The following OCA2 variants were observed in gnomAD, a reference collection of about 807,000 sequenced individuals.
The protein encoded by OCA2 is P protein.
OCA2 carries 77 observed loss-of-function variants against 100.2 expected under a neutral mutation model. The ratio of observed to expected loss-of-function variants is 0.77; its 90% CI spans 0.64 to 0.93. The LOEUF is 0.93. OCA2 is among the 40% of genes least tolerant of loss of function. The probability of loss-of-function intolerance (pLI) is 0.00; values close to 1 mark genes in which losing one functional copy is unlikely to be tolerated. For missense variants in OCA2, 1,062 were observed against 1,089.1 expected (o/e 0.98, Z 0.35); for synonymous variants, 432 against 439.2 (o/e 0.98, Z 0.21).
At chr15:27,998,870 TA>T (rs1280882788) in intron 9 of OCA2, among the ~76,000 whole-genome samples, 1 of 142,142 alleles carries the variant, frequency 7.0e-6, no homozygotes, top group African/African-American at 2.7e-5. Flanking sequence ...TATGCAGCCA[TA>T]AAAAATGATG....
At chr15:27,864,074 T>A (rs1308123517) in intron 21 of OCA2, among the ~76,000 whole-genome samples, 1 of 152,136 alleles carries the variant, frequency 6.6e-6, no homozygotes, top group Non-Finnish European at 1.5e-5. Flanking sequence ...GCAGTGCCCC[T>A]CTGAGGCTGC....
intron 22 of OCA2, among the ~76,000 whole-genome samples, chr15:27,850,758 T>G (rs891175387): frequency 3.9e-5 from 6 of 152,190 alleles, no homozygotes; most frequent in Non-Finnish European, 7.3e-5. Flanking sequence ...GTATCTGATG[T>G]GTTGATCTAA....
At chr15:27,881,024 G>A (rs2036991720) in intron 19 of OCA2, among the ~76,000 whole-genome samples, 1 of 152,088 alleles carries the variant, frequency 6.6e-6, no homozygotes. Flanking sequence ...TTATTTTGAG[G>A]TACAGTTCCA....
intron 13 of OCA2, 139 bp downstream of exon 13, chr15:27,984,925 G>T: frequency 1.0e-6 from 1 of 960,376 alleles, no homozygotes; most frequent in South Asian, 1.4e-5. Context: ...GAGCTGGACT[G>T]GAATGCAGTG....
intron 23 of OCA2, among the ~76,000 whole-genome samples, chr15:27,761,818 G>A (rs958631872): frequency 6.6e-6 from 1 of 152,112 alleles, no homozygotes; most frequent in Non-Finnish European, 1.5e-5. Flanking sequence ...GACCCATAAA[G>A]ACATGCCCAA....
intron 23 of OCA2, among the ~76,000 whole-genome samples, chr15:27,832,910 T>C (rs1219365018): frequency 6.7e-6 from 1 of 150,044 alleles, no homozygotes; most frequent in Non-Finnish European, 1.5e-5. Flanking sequence ...TTTCCCGGGT[T>C]CAAGTGATTC....
At chr15:28,096,378 G>A (rs988808690) in intron 1 of OCA2, among the ~76,000 whole-genome samples, 1 of 152,220 alleles carries the variant, frequency 6.6e-6, no homozygotes, top group Non-Finnish European at 1.5e-5. Context: ...AGCCGGAGGC[G>A]TAGCCGTGTC....
chr15:27,804,506 G>A (rs1463435742), intron 23 of OCA2, among the ~76,000 whole-genome samples: 1 of 152,136 alleles, frequency 6.6e-6, no homozygotes, highest in African/African-American at 2.4e-5. Context: ...TCATTTCTTA[G>A]GAATATAAAA....
chr15:27,757,827 G>A (rs954272002), intron 23 of OCA2, among the ~76,000 whole-genome samples: 17 of 152,180 alleles, frequency 1.1e-4, no homozygotes, highest in African/African-American at 4.1e-4. Context: ...GCCCCAAAGT[G>A]CATGTTGACT....
intron 11 of OCA2, 61 bp from the exon 12 acceptor site, chr15:27,986,704 T>C: frequency 9.3e-7 from 1 of 1,080,340 alleles, no homozygotes; most frequent in Non-Finnish European, 1.4e-6. Flanking sequence ...TAAAACGACA[T>C]CAGCATGATC....
intron 23 of OCA2, among the ~76,000 whole-genome samples, chr15:27,791,612 G>T (rs1199096639): frequency 1.3e-5 from 2 of 152,134 alleles, no homozygotes; most frequent in African/African-American, 4.8e-5. Context: ...AACATTCACA[G>T]GGCTCTACAG....
intron 14 of OCA2, 96 bp from the exon 15 acceptor site, chr15:27,966,918 C>T (rs1347273425): frequency 1.5e-6 from 2 of 1,353,532 alleles, no homozygotes; most frequent in Non-Finnish European, 2.1e-6. Flanking sequence ...TCACGAGGTC[C>T]GGAGATGGAG....
chr15:27,793,214 A>G lies in OCA2; in HGVS notation c.2433-37742T>C, dbSNP rs80214972. On this transcript the variant is annotated intron_variant, in intron 23 of 23. Transcript: ENST00000354638. ...AGGATGCTTTTTCCAATTGGACCAG[A>G]AAAGTATCACGTATGTAGCTCAGCT... Among the ~76,000 whole-genome samples the G allele has an allele frequency of 2.3e-3, 347 of 152,310 alleles. 1 individual carries two copies. The highest frequency in any genetic ancestry group is 8.2e-3 in the African/African-American group (339 of 41,570).
intron 18 of OCA2, among the ~76,000 whole-genome samples, chr15:27,937,180 T>C (rs2039486180): frequency 6.6e-6 from 1 of 152,216 alleles, no homozygotes; most frequent in Non-Finnish European, 1.5e-5. Context: ...TCATATAGCA[T>C]ATACTCTTTT....
intron 23 of OCA2, among the ~76,000 whole-genome samples, chr15:27,788,660 A>G (rs910357324): frequency 6.6e-6 from 1 of 152,084 alleles, no homozygotes; most frequent in African/African-American, 2.4e-5. Flanking sequence ...TTAAAAATCT[A>G]GTTTGTAAAT....
intron 3 of OCA2, among the ~76,000 whole-genome samples, chr15:28,031,583 T>C (rs2042908165): frequency 6.6e-6 from 1 of 152,250 alleles, no homozygotes; most frequent in Non-Finnish European, 1.5e-5. Context: ...TTGAGTTTTC[T>C]TGTGAAACAC....
intron 2 of OCA2, among the ~76,000 whole-genome samples, chr15:28,067,462 C>T (rs1019007399): frequency 6.6e-6 from 1 of 152,124 alleles, no homozygotes; most frequent in Non-Finnish European, 1.5e-5. Flanking sequence ...TTTCTAACTT[C>T]TTGATGAAGG....
chr15:27,870,590 C>A (rs1225620067), intron 21 of OCA2, among the ~76,000 whole-genome samples: 1 of 151,972 alleles, frequency 6.6e-6, no homozygotes, highest in African/African-American at 2.4e-5. Context: ...GACACACAGG[C>A]TGGTTAGAAT....
intron 1 of OCA2, among the ~76,000 whole-genome samples, chr15:28,088,480 G>T (rs1459953400): frequency 6.6e-6 from 1 of 152,150 alleles, no homozygotes; most frequent in East Asian, 1.9e-4. Flanking sequence ...GATACACCAA[G>T]AAACATTATG....
Sources: gnomAD v4.1 joint callset for allele counts (sites outside exome capture counted in the v4.1 genomes callset) on GRCh38, gnomAD v4.1.1 for gene constraint, MANE v1.5 for transcripts, NCBI Gene and HGNC (gene_info 2026-07-23, HGNC 2026-07-21) for gene names.